Variants in ZC3H3 observed in about 807,000 individuals in gnomAD.
The protein encoded by ZC3H3 is zinc finger CCCH-type containing 3.
Under a neutral mutation model 77.3 loss-of-function variants are expected in ZC3H3, and 36 were observed. The observed-to-expected ratio is 0.47, with a 90% CI of 0.36 to 0.61. ZC3H3 has a LOEUF of 0.61. ZC3H3 is among the 20% of genes least tolerant of loss of function. The pLI is 0.00. For missense variants in ZC3H3, 1,331 were observed against 1,312.2 expected (o/e 1.01, Z -0.22); for synonymous variants, 626 against 555.2 (o/e 1.13, Z -1.79).
At chr8:143,514,642 G>C (rs551021842) in intron 3 of ZC3H3, among the ~76,000 whole-genome samples, 2 of 152,284 alleles carry the variant, frequency 1.3e-5, no homozygotes, top group East Asian at 3.9e-4. Context: ...CCCTGCTCTC[G>C]CGCCCCCTCA....
intron 3 of ZC3H3, among the ~76,000 whole-genome samples, chr8:143,514,152 G>A (rs1216090202): frequency 6.6e-6 from 1 of 152,178 alleles, no homozygotes; most frequent in African/African-American, 2.4e-5. Context: ...GGGGTAGGCA[G>A]ACCCCAGGGG....
chr8:143,459,415 A>G (rs1360389468), intron 9 of ZC3H3, among the ~76,000 whole-genome samples: 129 of 152,226 alleles, frequency 8.5e-4, no homozygotes, highest in African/African-American at 2.8e-3. Context: ...TGGGCCTGGC[A>G]GCGCGTGCCT....
chr8:143,491,958 G>T (rs1821216613), intron 4 of ZC3H3, among the ~76,000 whole-genome samples: 1 of 152,206 alleles, frequency 6.6e-6, no homozygotes, highest in African/African-American at 2.4e-5. Flanking sequence ...CACCCCACAG[G>T]CATGTTGCCT....
At chr8:143,452,301 C>T (rs1329837277) in intron 9 of ZC3H3, among the ~76,000 whole-genome samples, 1 of 152,162 alleles carries the variant, frequency 6.6e-6, no homozygotes, top group Admixed American at 6.5e-5. Context: ...TCCCCCAAGG[C>T]AGGGAGGGAA....
chr8:143,500,603 A>C (rs1256352656), intron 4 of ZC3H3, among the ~76,000 whole-genome samples: 2 of 152,230 alleles, frequency 1.3e-5, no homozygotes, highest in Non-Finnish European at 2.9e-5. Context: ...GGAGGCTGAG[A>C]GATCCAAGAG....
At position 143,494,091 on chromosome 8, in the gene ZC3H3, G is replaced by C. The variant is rs1821279897; in HGVS notation, c.1715+13655C>G. 6.6e-6 allele frequency among the ~76,000 whole-genome samples: 1 copy of C among 152,168 alleles called. No individual in the cohort carries two copies. Among genetic ancestry groups the C allele is most frequent in the African/African-American group, 2.4e-5 (1 of 41,440 alleles). ...AGCACGTGGGGAAGCCTGGGGAGTG[G>C]GAGGGGAAGGGGAGCGCTGAGGGCC... is the stretch of plus-strand genomic sequence containing the variant. On this transcript the variant is annotated intron_variant, in intron 4 of 11. Coordinates refer to ENST00000262577, the MANE Select transcript of ZC3H3 (RefSeq NM_015117.3). The surrounding 1 kb of genome is among the most constrained non-coding windows in gnomAD (Gnocchi z 5.3).
At chr8:143,502,193 G>C (rs1474518158) in intron 4 of ZC3H3, among the ~76,000 whole-genome samples, 1 of 152,256 alleles carries the variant, frequency 6.6e-6, no homozygotes, top group African/African-American at 2.4e-5. Flanking sequence ...ACTGTGAGAA[G>C]TCAGCGTCTG....
At chr8:143,527,740 A>C (rs867894980) in intron 3 of ZC3H3, among the ~76,000 whole-genome samples, 17 of 152,298 alleles carry the variant, frequency 1.1e-4, no homozygotes, top group Middle Eastern at 6.8e-3. Flanking sequence ...ATGGTGGATC[A>C]CATACCCCAG....
intron 3 of ZC3H3, among the ~76,000 whole-genome samples, chr8:143,520,502 A>G (rs1251036615): frequency 6.6e-6 from 1 of 152,140 alleles, no homozygotes; most frequent in East Asian, 1.9e-4. Context: ...ACCGGCTGGG[A>G]AGCACCGGGG....
intron 3 of ZC3H3, chr8:143,523,410 C>T: frequency 1.0e-6 from 1 of 985,420 alleles, no homozygotes; most frequent in Non-Finnish European, 1.2e-6. Flanking sequence ...TCATGTTTTC[C>T]CGGTGCCCTG....
rs567711980 is a variant in ZC3H3, at chr8:143,475,602, T to C, written c.1716-17A>G. The C allele has an allele frequency of 3.2e-6, 5 of 1,571,430 alleles. No individual in the cohort carries two copies. Among genetic ancestry groups the C allele is most frequent in the East Asian group, 2.3e-5 (1 of 43,354 alleles). ...ACCAGGGACCTGCAGAGACAGGAAA[T>C]GCCCGTCAAACCTGGCCCCAGGACA... On this transcript the variant is annotated splice_polypyrimidine_tract_variant and intron_variant, in intron 4 of 11. Coordinates refer to ENST00000262577, the MANE Select transcript of ZC3H3 (RefSeq NM_015117.3).
Position 143,538,760 on chromosome 8 carries a change from T to C in ZC3H3, c.607A>G (p.Lys203Glu). Residue 203 changes from lysine (K) to glutamate (E), a missense_variant, in exon 2 of 12, where the codon AAG (lysine) becomes GAG (glutamate). Around this residue, in one of 3 missense-constraint regions of ZC3H3, gnomAD observed 978 missense variants for 915.5 expected, o/e 1.07. Coordinates refer to ENST00000262577, the MANE Select transcript of ZC3H3 (RefSeq NM_015117.3). ...CTGTCGCCCACACTGCCCACTGACT[T>C]CACCATCCTGGGCTTACCAGGCTCC... is the stretch of plus-strand genomic sequence containing the variant. ...QKEPGKPRMV[K>E]SVGSVGDSPR... The C allele has an allele frequency of 6.2e-7, 1 of 1,611,566 alleles. No homozygotes were observed.
At chr8:143,452,184 G>T (rs1820004792) in intron 9 of ZC3H3, among the ~76,000 whole-genome samples, 1 of 152,248 alleles carries the variant, frequency 6.6e-6, no homozygotes, top group South Asian at 2.1e-4. Context: ...CTGGCCAGGA[G>T]GCCCTTCCCT....
intron 4 of ZC3H3, among the ~76,000 whole-genome samples, chr8:143,492,306 G>A (rs1821229358): frequency 6.6e-6 from 1 of 152,136 alleles, no homozygotes; most frequent in African/African-American, 2.4e-5. Flanking sequence ...CCACGGACTG[G>A]CCCAGTGGGG....
rs3750206 is a variant in ZC3H3 at position 143,538,921 on chromosome 8, A to G, written c.446T>C (p.Phe149Ser). ...TTGGTCACTCCAGGGGGTTTCCTCAAATTCTTCCAAAGAGCCCCGCTGGGC... is the reference window on the plus strand; with the variant it reads ...TTGGTCACTCCAGGGGGTTTCCTCAGATTCTTCCAAAGAGCCCCGCTGGGC... ...SGAQRGSLEE[F>S]EETPWSDQRP... Residue 149 changes from phenylalanine (F) to serine (S), a missense_variant, in exon 2 of 12, where the codon TTT becomes TCT. Phe to Ser is a radical substitution (Grantham distance 155). Transcript: ENST00000262577. 3.1e-6 allele frequency: 5 copies of G among 1,612,818 alleles called. No homozygotes were observed. The highest frequency in any genetic ancestry group is 4.2e-6 in the Non-Finnish European group (5 of 1,179,966).
chr8:143,464,195 G>C (rs545922142), intron 9 of ZC3H3, among the ~76,000 whole-genome samples: 60 of 152,270 alleles, frequency 3.9e-4, no homozygotes, highest in African/African-American at 1.4e-3. Context: ...TGCGGGCGCC[G>C]CGGCGCGGAC....
chr8:143,500,053 T>C (rs1821479685), intron 4 of ZC3H3, among the ~76,000 whole-genome samples: 1 of 148,788 alleles, frequency 6.7e-6, no homozygotes, highest in Non-Finnish European at 1.5e-5. Flanking sequence ...CTGCAAACAC[T>C]CCAAACCCTT....
chr8:143,523,340 C>A (rs1822310332), intron 3 of ZC3H3: 2 of 985,314 alleles, frequency 2.0e-6, no homozygotes, highest in South Asian at 9.4e-5. Context: ...CGGCTCAGAG[C>A]CAGATGGGGG....
chr8:143,500,800 C>T (rs1337144848), intron 4 of ZC3H3, among the ~76,000 whole-genome samples: 3 of 147,580 alleles, frequency 2.0e-5, no homozygotes, highest in Non-Finnish European at 3.0e-5. Context: ...CTCCCCACAC[C>T]GTCACGTCAC....
Sources: allele counts gnomAD v4.1 joint callset (sites outside exome capture counted in the v4.1 genomes callset), GRCh38; gene constraint gnomAD v4.1.1; regional missense constraint gnomAD v4.1.1; non-coding constraint Gnocchi (gnomAD v3.1); transcripts MANE v1.5; gene names NCBI Gene and HGNC (gene_info 2026-07-23, HGNC 2026-07-21).